The following FAAH2 variants were observed in gnomAD, a reference collection of about 807,000 sequenced individuals.
FAAH2 encodes fatty-acid amide hydrolase 2.
FAAH2 carries 60 observed loss-of-function variants against 36.9 expected under a neutral mutation model. The ratio of observed to expected loss-of-function variants is 1.63; its 90% CI spans 1.32 to 2.02. The LOEUF (loss-of-function observed/expected upper bound fraction) is 2.02. Among genes scored for constraint, FAAH2 ranks in the 30% most tolerant of loss-of-function variants. The pLI, the probability that FAAH2 is intolerant of heterozygous loss-of-function variation, is 0.00. For missense variants in FAAH2, 689 were observed against 397.5 expected (o/e 1.73, Z -6.23); for synonymous variants, 214 against 143.8 (o/e 1.49, Z -3.49).
intron 3 of FAAH2, among the ~76,000 whole-genome samples, chrX:57,310,946 C>T (rs1208209083): frequency 8.9e-6 from 1 of 111,799 alleles, no homozygotes; most frequent in African/African-American, 3.2e-5. Flanking sequence ...GCACTATGCT[C>T]AGTATCCATT....
chrX:57,395,798 A>G (rs779685432), intron 7 of FAAH2, among the ~76,000 whole-genome samples: 18 of 111,902 alleles, frequency 1.6e-4, no homozygotes, highest in Non-Finnish European at 3.2e-4. Context: ...CAGGTATGTT[A>G]GCTTGTAAGG....
chrX:57,316,509 C>T (rs2052843264), intron 3 of FAAH2, among the ~76,000 whole-genome samples: 1 of 111,529 alleles, frequency 9.0e-6, no homozygotes. Flanking sequence ...CAGCATGGTG[C>T]TGGTACATAA....
chrX:57,170,115 T>G, the FAAH2 span, among the ~76,000 whole-genome samples: 1 of 111,674 alleles, frequency 9.0e-6, no homozygotes, highest in Non-Finnish European at 1.9e-5. Flanking sequence ...AAACTACAGA[T>G]GCATACCACC....
At chrX:57,229,705 G>C in the FAAH2 span, among the ~76,000 whole-genome samples, 1 of 110,575 alleles carries the variant, frequency 9.0e-6, no homozygotes, top group Non-Finnish European at 1.9e-5. Flanking sequence ...TATTTTCTTG[G>C]CTAGTCTATT....
intron 7 of FAAH2, chrX:57,393,944 C>T (rs1283211409): frequency 5.6e-6 from 5 of 885,811 alleles, no homozygotes; most frequent in African/African-American, 2.0e-5. Flanking sequence ...CTTGTCAATG[C>T]CTAGTCTGTT....
chrX:57,197,177 C>T, the FAAH2 span, among the ~76,000 whole-genome samples: 1 of 111,683 alleles, frequency 9.0e-6, no homozygotes, highest in Non-Finnish European at 1.9e-5. Flanking sequence ...GAAATTTTCA[C>T]TGTATTTTGC....
Position 57,412,680 on chromosome X carries a change from A to G in FAAH2, c.997-19238A>G, listed in dbSNP as rs1157023806. Among the ~76,000 whole-genome samples, 3 of 112,060 alleles carry G rather than the reference A, an allele frequency of 2.7e-5. No homozygotes were observed. In the East Asian group the frequency reaches 8.4e-4, roughly 31 times the overall value. On this transcript the variant is annotated intron_variant, in intron 7 of 10. Coordinates refer to ENST00000374900, the MANE Select transcript of FAAH2 (RefSeq NM_174912.4). ...GCTACTGTGAACAGTGCTGCAATAA[A>G]CATATGTGTGTGTGTGTCTTTATAG...
At chrX:57,379,131 C>G (rs766979918) in intron 6 of FAAH2, among the ~76,000 whole-genome samples, 1 of 111,678 alleles carries the variant, frequency 9.0e-6, no homozygotes, top group Non-Finnish European at 1.9e-5. Flanking sequence ...TACATACTTT[C>G]CAATCTCACC....
Position 57,295,386 on chromosome X carries a change from C to A in FAAH2, c.275+2806C>A, listed in dbSNP as rs187670333. Among the ~76,000 whole-genome samples, 3 of 112,117 alleles carry A rather than the reference C, an allele frequency of 2.7e-5. No homozygotes were observed. The East Asian group carries it at 8.4e-4, about 31-fold the overall frequency. ...TTCTTTCCTCCTAGTCTTTCTCTGG[C>A]ACCCATATTTGAAGGATCCAAGAGG... On this transcript the variant is annotated intron_variant, in intron 2 of 10. Coordinates refer to ENST00000374900, the MANE Select transcript of FAAH2 (RefSeq NM_174912.4).
At chrX:57,193,154 A>G in the FAAH2 span, among the ~76,000 whole-genome samples, 1 of 111,949 alleles carries the variant, frequency 8.9e-6, no homozygotes, top group Non-Finnish European at 1.9e-5. Flanking sequence ...GTTTCTCAGC[A>G]AGGAACATCC....
the FAAH2 span, among the ~76,000 whole-genome samples, chrX:57,169,332 T>G: frequency 9.8e-6 from 1 of 101,839 alleles, no homozygotes; most frequent in African/African-American, 3.5e-5. Context: ...TGTGTGTGTG[T>G]GGTTTCATCA....
At chrX:57,159,264 C>A in the FAAH2 span, among the ~76,000 whole-genome samples, 1 of 111,848 alleles carries the variant, frequency 8.9e-6, no homozygotes, top group East Asian at 2.8e-4. Flanking sequence ...AGTTTGAAGT[C>A]AGGTAGCATG....
At chrX:57,393,422 A>G (rs2055214831) in intron 7 of FAAH2, 2 of 785,047 alleles carry the variant, frequency 2.5e-6, no homozygotes, top group Non-Finnish European at 3.9e-6. Flanking sequence ...TTCTATTCCA[A>G]TGTCTGCTCC....
intron 7 of FAAH2, among the ~76,000 whole-genome samples, chrX:57,388,303 C>T (rs760517784): frequency 1.1e-4 from 12 of 111,246 alleles, no homozygotes; most frequent in East Asian, 5.6e-4. Context: ...TGATGTTGGT[C>T]TGTAATTCTT....
chrX:57,181,146 C>T, the FAAH2 span, among the ~76,000 whole-genome samples: 3 of 111,310 alleles, frequency 2.7e-5, no homozygotes, highest in East Asian at 2.8e-4. Context: ...ATGAGAGTCA[C>T]GTATGAAAAA....
rs182805510 is a variant in FAAH2 at position 57,461,791 on chromosome X, T to A, written c.1423+13073T>A. 1.0e-3 allele frequency among the ~76,000 whole-genome samples: 111 copies of A among 108,189 alleles called. 2 individuals carry two copies. The East Asian group carries it at 0.03, about 29-fold the overall frequency. 93.9% of individuals were successfully genotyped at this position (108,189 alleles called of 115,157 possible). ...TCAAAGGCAATCAGAAGACACAAAATAAGATCAGAGCAGAATTGAAGGAGA... is the reference window on the plus strand; with the variant it reads ...TCAAAGGCAATCAGAAGACACAAAAAAAGATCAGAGCAGAATTGAAGGAGA... On this transcript the variant is annotated intron_variant, in intron 10 of 10. Coordinates refer to ENST00000374900, the MANE Select transcript of FAAH2 (RefSeq NM_174912.4).
At chrX:57,177,897 A>T in the FAAH2 span, among the ~76,000 whole-genome samples, 10 of 110,353 alleles carry the variant, frequency 9.1e-5, no homozygotes, top group Non-Finnish European at 1.9e-4. Flanking sequence ...CTTGGCCTGC[A>T]GTCTGTTTAT....
chrX:57,463,936 A>G (rs987603134), intron 10 of FAAH2, among the ~76,000 whole-genome samples: 1 of 111,474 alleles, frequency 9.0e-6, no homozygotes, highest in African/African-American at 3.3e-5. Context: ...TCATTCTACT[A>G]TAAAGACAGA....
intron 7 of FAAH2, among the ~76,000 whole-genome samples, chrX:57,426,963 T>TA (rs756019664): frequency 9.9e-5 from 11 of 110,785 alleles, no homozygotes; most frequent in Admixed American, 3.9e-4. Flanking sequence ...GAAGTTTATT[T>TA]AAAAAAATAA....
Sources: allele counts gnomAD v4.1 joint callset (sites outside exome capture counted in the v4.1 genomes callset), GRCh38; gene constraint gnomAD v4.1.1; transcripts MANE v1.5; gene names NCBI Gene and HGNC (gene_info 2026-07-23, HGNC 2026-07-21).